The following ZNF236 variants were observed in gnomAD, a reference collection of about 807,000 sequenced individuals.
ZNF236 encodes regulated by glucose.
A neutral mutation model predicts 191.2 loss-of-function variants in ZNF236; 50 were observed. The ratio of observed to expected loss-of-function variants is 0.26; its 90% CI spans 0.21 to 0.33. The LOEUF is 0.33. Ranked by LOEUF, ZNF236 falls within the 10% of genes least tolerant of loss-of-function variation. ZNF236 has a pLI of 1.00. For synonymous variants in ZNF236, 907 were observed against 928.8 expected, an observed-to-expected ratio of 0.98 and a Z score of 0.43; for missense variants, 1,754 against 2,374.5, an observed-to-expected ratio of 0.74 and a Z score of 5.43.
At chr18:76,900,423 A>C (rs1977556331) in intron 11 of ZNF236, among the ~76,000 whole-genome samples, 1 of 152,256 alleles carries the variant, frequency 6.6e-6, no homozygotes, top group Non-Finnish European at 1.5e-5. Flanking sequence ...GTTACTTAAT[A>C]GCTTTATAGA....
At chr18:76,823,754 G>A (rs1178472571) in intron 1 of ZNF236, among the ~76,000 whole-genome samples, 2 of 152,216 alleles carry the variant, frequency 1.3e-5, no homozygotes, top group South Asian at 2.1e-4. Flanking sequence ...GGAGCTTGAG[G>A]AACGGACTTT....
chr18:76,955,711 T>C (rs993204565), intron 27 of ZNF236, among the ~76,000 whole-genome samples: 1 of 152,172 alleles, frequency 6.6e-6, no homozygotes, highest in African/African-American at 2.4e-5. Context: ...ATAGTCACAT[T>C]GGAGCTGGAA....
rs117021696 is a variant in ZNF236 at position 76,838,041 on chromosome 18, T to A, written c.56-11485T>A. Reference sequence around the variant, plus strand: ...TGTCATATTTAGAAGACATTGCACATTTTTAGGAAATACATACCTTTGCAT... The same window carrying A: ...TGTCATATTTAGAAGACATTGCACAATTTTAGGAAATACATACCTTTGCAT... On this transcript the variant is annotated intron_variant, in intron 1 of 30. Coordinates refer to ENST00000320610, the MANE Select transcript of ZNF236 (RefSeq NM_001306089.2). Among the ~76,000 whole-genome samples the A allele has an allele frequency of 6.0e-4, 91 of 152,340 alleles. 3 individuals are homozygous for A. In the South Asian group the frequency reaches 8.5e-3, roughly 14 times the overall value.
intron 1 of ZNF236, among the ~76,000 whole-genome samples, chr18:76,842,826 A>G (rs543575066): frequency 1.3e-5 from 2 of 152,192 alleles, no homozygotes; most frequent in Non-Finnish European, 1.5e-5. Flanking sequence ...TGAATTTTCC[A>G]TATGAGTTAC....
intron 9 of ZNF236, 143 bp from the exon 10 acceptor site, chr18:76,894,870 C>A: frequency 8.7e-7 from 1 of 1,147,230 alleles, no homozygotes; most frequent in Admixed American, 2.1e-5. Context: ...TCCTAGCCCT[C>A]GATAATGTCA....
chr18:76,961,710 T>TC (rs1349796126), intron 30 of ZNF236, among the ~76,000 whole-genome samples: 1 of 143,486 alleles, frequency 7.0e-6, no homozygotes, highest in African/African-American at 2.6e-5. Flanking sequence ...GTTCACCACA[T>TC]CCATGCTAGC....
In ZNF236 at chr18:76,968,638, G is replaced by T; in HGVS notation, c.*299G>T. 8.9e-7 allele frequency: 1 copy of T among 1,117,630 alleles called. No homozygotes were observed. The highest frequency in any genetic ancestry group is 1.1e-6 in the Non-Finnish European group (1 of 914,858). The allele number at this position is 1,117,630 out of a possible 1,614,324, so 69.2% of individuals were successfully genotyped here. On this transcript the variant is annotated 3_prime_UTR_variant, in exon 31 of 31. Coordinates refer to ENST00000320610, the MANE Select transcript of ZNF236 (RefSeq NM_001306089.2). ...GTCTAGTTCACGAAGCAATTAACTG[G>T]GTCTTACTATCATTGTAGTGTGATT...
At chr18:76,863,582 A>C (rs10469087) in intron 3 of ZNF236, among the ~76,000 whole-genome samples, 54,633 of 151,722 alleles carry the variant, frequency 0.36, 10,266 homozygotes, top group East Asian at 0.54. Flanking sequence ...ATTACAAATT[A>C]TTCTTCTTCT....
chr18:76,922,598 C>G (rs1967568370), intron 20 of ZNF236, among the ~76,000 whole-genome samples: 1 of 151,570 alleles, frequency 6.6e-6, no homozygotes, highest in South Asian at 2.1e-4. Flanking sequence ...ACTTTGTCAC[C>G]CAGGCTGGAG....
chr18:76,940,302 G>C (rs1005452063), intron 26 of ZNF236, among the ~76,000 whole-genome samples: 19 of 146,826 alleles, frequency 1.3e-4, no homozygotes, highest in African/African-American at 4.5e-4. Flanking sequence ...CCCTAGCACT[G>C]CATTTGGGAA....
chr18:76,857,096 C>T (rs1261828719), intron 3 of ZNF236, among the ~76,000 whole-genome samples: 4 of 152,104 alleles, frequency 2.6e-5, no homozygotes, highest in African/African-American at 9.7e-5. Flanking sequence ...CCCATGTCCC[C>T]CCAGTTCCTA....
intron 9 of ZNF236, among the ~76,000 whole-genome samples, chr18:76,893,157 GA>G: frequency 6.6e-6 from 1 of 152,142 alleles, no homozygotes; most frequent in Admixed American, 6.5e-5. Flanking sequence ...TTTTGGTTTG[GA>G]AAAAAATCTG....
chr18:76,897,370 G>A (rs1303713018), intron 10 of ZNF236, among the ~76,000 whole-genome samples: 1 of 150,102 alleles, frequency 6.7e-6, no homozygotes, highest in South Asian at 2.1e-4. Context: ...CTGCACACAA[G>A]TAGTACATAG....
intron 1 of ZNF236, among the ~76,000 whole-genome samples, chr18:76,840,184 C>T (rs1390237550): frequency 6.6e-6 from 1 of 151,984 alleles, no homozygotes; most frequent in Non-Finnish European, 1.5e-5. Flanking sequence ...CAAAGGGGGT[C>T]GATGTTTCTT....
chr18:76,846,005 G>A (rs1450269872), intron 1 of ZNF236, among the ~76,000 whole-genome samples: 1 of 152,252 alleles, frequency 6.6e-6, no homozygotes, highest in African/African-American at 2.4e-5. Context: ...GTGGAGACGT[G>A]TGCATATGTG....
chr18:76,903,172 T>C (rs1977649254), intron 11 of ZNF236, among the ~76,000 whole-genome samples: 1 of 152,132 alleles, frequency 6.6e-6, no homozygotes, highest in Non-Finnish European at 1.5e-5. Flanking sequence ...CTAGGTGAAA[T>C]TGGTTGGGCT....
intron 5 of ZNF236, among the ~76,000 whole-genome samples, chr18:76,874,499 A>C (rs1307675910): frequency 6.6e-6 from 1 of 152,022 alleles, no homozygotes; most frequent in African/African-American, 2.4e-5. Flanking sequence ...GCAGCGCACA[A>C]GCACTTGCCT....
At chr18:76,834,600 C>A in intron 1 of ZNF236, 1 of 456,374 alleles carries the variant, frequency 2.2e-6, no homozygotes, top group South Asian at 1.9e-5. Context: ...GGGTGAATGC[C>A]TGTATGCACA....
chr18:76,917,397 A>G (rs906136433), intron 19 of ZNF236, among the ~76,000 whole-genome samples: 5 of 152,192 alleles, frequency 3.3e-5, no homozygotes, highest in African/African-American at 1.2e-4. Flanking sequence ...AAAGCTTCTA[A>G]TGCTACTGAA....
Sources: allele counts gnomAD v4.1 joint callset (sites outside exome capture counted in the v4.1 genomes callset), GRCh38; gene constraint gnomAD v4.1.1; transcripts MANE v1.5; gene names NCBI Gene and HGNC (gene_info 2026-07-23, HGNC 2026-07-21).